The following TMPRSS15 variants were observed in gnomAD, a reference collection of about 807,000 sequenced individuals.
TMPRSS15 encodes the protein transmembrane serine protease 15, also known as enteropeptidase.
Under a neutral mutation model 125.3 loss-of-function variants are expected in TMPRSS15, and 128 were observed. The ratio of observed to expected loss-of-function variants is 1.02; its 90% CI spans 0.89 to 1.18. The LOEUF is 1.18. TMPRSS15 is among the 50% of genes most tolerant of loss of function. TMPRSS15 has a pLI of 0.00. For synonymous variants in TMPRSS15, 446 were observed against 423.2 expected (o/e 1.05, Z -0.66); for missense variants, 1,283 against 1,212.7 (o/e 1.06, Z -0.86).
intron 14 of TMPRSS15, among the ~76,000 whole-genome samples, chr21:18,331,327 G>C (rs534552788): frequency 2.6e-5 from 4 of 152,138 alleles, no homozygotes; most frequent in African/African-American, 9.6e-5. Flanking sequence ...TTTCCATTTA[G>C]CTTAGTGGCC....
At chr21:18,317,003 C>A (rs187714269) in intron 16 of TMPRSS15, among the ~76,000 whole-genome samples, 1 of 151,928 alleles carries the variant, frequency 6.6e-6, no homozygotes, top group African/African-American at 2.4e-5. Flanking sequence ...TATGGGGAAG[C>A]AAAAGCACTT....
chr21:18,274,110 A>G (rs1192189947), intron 24 of TMPRSS15, among the ~76,000 whole-genome samples: 1 of 152,258 alleles, frequency 6.6e-6, no homozygotes, highest in Non-Finnish European at 1.5e-5. Context: ...TCCAGCAGAC[A>G]TTAAAGCATT....
intron 21 of TMPRSS15, among the ~76,000 whole-genome samples, chr21:18,285,033 T>C (rs1169778720): frequency 6.7e-6 from 1 of 150,310 alleles, no homozygotes; most frequent in Non-Finnish European, 1.5e-5. Context: ...AGAAGTTGGC[T>C]GAATTTTTGC....
chr21:18,440,547 G>A (rs2824832), intron 1 of TMPRSS15, among the ~76,000 whole-genome samples: 1 of 151,632 alleles, frequency 6.6e-6, no homozygotes, highest in Non-Finnish European at 1.5e-5. Flanking sequence ...GTGATGATCA[G>A]GATGAATTGT....
chr21:18,295,765 T>A (rs1462240411), intron 19 of TMPRSS15, among the ~76,000 whole-genome samples: 2 of 152,222 alleles, frequency 1.3e-5, no homozygotes, highest in South Asian at 4.1e-4. Flanking sequence ...CATGTATTTC[T>A]AACACCCCAA....
chr21:18,405,531 G>C (rs1472379734), upstream of TMPRSS15, among the ~76,000 whole-genome samples: 1 of 152,162 alleles, frequency 6.6e-6, no homozygotes, highest in Admixed American at 6.5e-5. Flanking sequence ...TATAAAGAGA[G>C]TGTTGTATCA....
rs1209671079 is a variant in TMPRSS15, at chr21:18,403,536, T to C, written c.87A>G (p.Val29=). ...CTGCAATTAATCCAGCACAGAGCAC[T>C]ACCAATATGGCAAAGAGAGCTGCAA... ...IMFAALFAIL[V]VLCAGLIAVS... Residue 29 remains valine, a synonymous_variant, in exon 1 of 25, where the codon GTA becomes GTG. Transcript: ENST00000284885. The C allele has an allele frequency of 2.5e-6, 4 of 1,614,188 alleles. No homozygotes were observed. Among genetic ancestry groups the C allele is most frequent in the Non-Finnish European group, 3.4e-6 (4 of 1,180,026 alleles).
intron 16 of TMPRSS15, among the ~76,000 whole-genome samples, chr21:18,321,347 TTC>T (rs1184487117): frequency 4.7e-4 from 50 of 105,852 alleles, no homozygotes; most frequent in Non-Finnish European, 5.5e-5. Context: ...ATTTTTTTCC[TTC>T]TTTTTTTTTT....
intron 1 of TMPRSS15, among the ~76,000 whole-genome samples, chr21:18,440,840 G>A (rs1442534003): frequency 6.6e-6 from 1 of 152,156 alleles, no homozygotes; most frequent in East Asian, 1.9e-4. Flanking sequence ...AAGAAAATTA[G>A]TGTAATATAG....
intron 6 of TMPRSS15, 79 bp downstream of exon 6, chr21:18,372,114 G>GTGTC (rs930569692): frequency 1.7e-6 from 2 of 1,155,872 alleles, no homozygotes; most frequent in African/African-American, 3.0e-5. Flanking sequence ...GTGTGTGTGT[G>GTGTC]TGTGTGTGTG....
In TMPRSS15 at chr21:18,343,694, A is replaced by G. The variant is rs146158551; in HGVS notation, c.1278-38T>C. 8.0e-5 allele frequency: 127 copies of G among 1,591,856 alleles called. 1 individual carries two copies. The East Asian group carries it at 2.6e-3, about 33-fold the overall frequency. On this transcript the variant is annotated intron_variant, in intron 11 of 24. Coordinates refer to ENST00000284885, the MANE Select transcript of TMPRSS15 (RefSeq NM_002772.3). The stretch of plus-strand genomic sequence containing the variant: ...GAAGCAAAAATGTTTGGATTCCTAC[A>G]ACATTAGAATAAGTCCTTTTCAGAG...
chr21:18,474,347 A>T (rs1449892645), intron 1 of TMPRSS15, among the ~76,000 whole-genome samples: 1 of 151,210 alleles, frequency 6.6e-6, no homozygotes, highest in East Asian at 2.0e-4. Context: ...CTGGAGTGCT[A>T]TGGCTCAATC....
At chr21:18,415,396 A>T (rs2076177320) in intron 1 of TMPRSS15, among the ~76,000 whole-genome samples, 1 of 151,842 alleles carries the variant, frequency 6.6e-6, no homozygotes, top group African/African-American at 2.4e-5. Flanking sequence ...ATGTTCTATG[A>T]TTTTAGTGCC....
intron 3 of TMPRSS15, among the ~76,000 whole-genome samples, chr21:18,386,175 A>C (rs2075942083): frequency 6.6e-6 from 1 of 152,122 alleles, no homozygotes; most frequent in Non-Finnish European, 1.5e-5. Context: ...TCTATTTTTG[A>C]AGCTGAATAT....
chr21:18,418,671 T>C (rs2076185625), intron 1 of TMPRSS15, among the ~76,000 whole-genome samples: 1 of 152,224 alleles, frequency 6.6e-6, no homozygotes, highest in African/African-American at 2.4e-5. Context: ...TTAAACGTTA[T>C]AGCTGCTACT....
At chr21:18,374,479 CAAAAAAAAA>C (rs1165884199) in intron 5 of TMPRSS15, among the ~76,000 whole-genome samples, 3 of 59,904 alleles carry the variant, frequency 5.0e-5, no homozygotes, top group African/African-American at 7.6e-5. Flanking sequence ...GACTCCGTCT[CAAAAAAAAA>C]AAAAAAAAAA....
chr21:18,350,090 T>G (rs1034584803), intron 10 of TMPRSS15, among the ~76,000 whole-genome samples: 3 of 151,680 alleles, frequency 2.0e-5, no homozygotes, highest in South Asian at 4.2e-4. Context: ...TTAATTACAG[T>G]AAAGAGAAAA....
intron 11 of TMPRSS15, 56 bp downstream of exon 11, chr21:18,343,899 C>G (rs2075477118): frequency 6.7e-7 from 1 of 1,500,636 alleles, no homozygotes; most frequent in African/African-American, 1.4e-5. Flanking sequence ...GTGGCCTGAG[C>G]AAGGCAATGT....
In TMPRSS15 at chr21:18,313,002, C is replaced by T. The variant is rs1176750966; in HGVS notation, c.2108G>A (p.Cys703Tyr). 6.2e-7 allele frequency: 1 copy of T among 1,613,890 alleles called. No individual in the cohort carries two copies. The highest frequency in any genetic ancestry group is 1.3e-5 in the African/African-American group (1 of 74,900). ...FRIQSIWHTA[C>Y]AENWTTQISN... ...AATCTGGGTGGTCCAGTTCTCAGCACAAGCTGTATGCCATATGCTCTGGAT... is the reference window on the plus strand; with the variant it reads ...AATCTGGGTGGTCCAGTTCTCAGCATAAGCTGTATGCCATATGCTCTGGAT... The change falls in exon 18 of 25, where the codon TGT becomes TAT. Residue 703 changes from cysteine (C) to tyrosine (Y), a missense_variant. Coordinates refer to ENST00000284885, the MANE Select transcript of TMPRSS15 (RefSeq NM_002772.3).
Sources: gnomAD v4.1 joint callset for allele counts (sites outside exome capture counted in the v4.1 genomes callset) on GRCh38, gnomAD v4.1.1 for gene constraint, MANE v1.5 for transcripts, NCBI Gene and HGNC (gene_info 2026-07-23, HGNC 2026-07-21) for gene names.